Variants in TTC29 observed in about 807,000 individuals in gnomAD.
The protein encoded by TTC29 is tetratricopeptide repeat protein 29.
Under a neutral mutation model 58.1 loss-of-function variants are expected in TTC29, and 49 were observed. The observed-to-expected ratio is 0.84, with a 90% CI of 0.67 to 1.07. The LOEUF is 1.07. Ranked by LOEUF, TTC29 falls within the 50% of genes least tolerant of loss-of-function variation. The pLI, the probability that TTC29 is intolerant of heterozygous loss-of-function variation, is 0.00. For missense variants in TTC29, 582 were observed against 555.6 expected (o/e 1.05, Z -0.48); for synonymous variants, 209 against 196.8 (o/e 1.06, Z -0.52).
chr4:146,865,021 G>T (rs1233586932), intron 8 of TTC29, among the ~76,000 whole-genome samples: 1 of 152,028 alleles, frequency 6.6e-6, no homozygotes, highest in Non-Finnish European at 1.5e-5. Flanking sequence ...CTTAAAGAGT[G>T]TAAGGGATTT....
At chr4:146,903,771 G>A in intron 5 of TTC29, 42 bp from the exon 6 acceptor site, 1 of 1,411,138 alleles carries the variant, frequency 7.1e-7, no homozygotes, top group Non-Finnish European at 9.5e-7. Context: ...TTAGAAAGAT[G>A]TCTCATGGCA....
At chr4:146,833,456 G>T (rs562842884) in intron 9 of TTC29, among the ~76,000 whole-genome samples, 2 of 152,296 alleles carry the variant, frequency 1.3e-5, no homozygotes, top group South Asian at 4.1e-4. Flanking sequence ...ATCTGGAAAG[G>T]TTATGGTGAG....
intron 11 of TTC29, among the ~76,000 whole-genome samples, chr4:146,776,742 T>C (rs1475024366): frequency 6.6e-6 from 1 of 152,218 alleles, no homozygotes; most frequent in Non-Finnish European, 1.5e-5. Flanking sequence ...TGCTCAAGTA[T>C]GCTAGCACAG....
At chr4:146,778,656 C>T in intron 11 of TTC29, among the ~76,000 whole-genome samples, 1 of 152,086 alleles carries the variant, frequency 6.6e-6, no homozygotes, top group East Asian at 1.9e-4. Flanking sequence ...AAGAAATAGA[C>T]TGCATATTTA....
At chr4:146,810,588 C>CTTTTTTTTTT (rs398051307) in intron 10 of TTC29, among the ~76,000 whole-genome samples, 2 of 96,318 alleles carry the variant, frequency 2.1e-5, no homozygotes, top group African/African-American at 4.0e-5. Flanking sequence ...TACATACCTT[C>CTTTTTTTTTT]TTTTTTTTTT....
At chr4:146,890,203 A>T (rs1450111307) in intron 6 of TTC29, among the ~76,000 whole-genome samples, 1 of 152,164 alleles carries the variant, frequency 6.6e-6, no homozygotes, top group Non-Finnish European at 1.5e-5. Context: ...AGGCGTCAGG[A>T]GGGTTTATTC....
chr4:146,752,066 G>C (rs892125961), intron 11 of TTC29, among the ~76,000 whole-genome samples: 1 of 151,892 alleles, frequency 6.6e-6, no homozygotes, highest in Non-Finnish European at 1.5e-5. Flanking sequence ...GTACTGGCCA[G>C]GGCAATCAGG....
At chr4:146,820,009 A>G in intron 10 of TTC29, 116 bp downstream of exon 10, 1 of 1,379,574 alleles carries the variant, frequency 7.2e-7, no homozygotes, top group Non-Finnish European at 1.0e-6. Context: ...GTCCAGGGCC[A>G]TTCTGCATAA....
chr4:146,793,526 A>G (rs1160806670), intron 11 of TTC29, among the ~76,000 whole-genome samples: 13 of 152,156 alleles, frequency 8.5e-5, no homozygotes, highest in Non-Finnish European at 4.4e-5. Flanking sequence ...ACTAAAGTGC[A>G]GTGTAAGCAT....
chr4:146,785,825 T>C (rs17021947), intron 11 of TTC29, among the ~76,000 whole-genome samples: 10,280 of 151,794 alleles, frequency 0.068, 459 homozygotes, highest in Admixed American at 0.13. Flanking sequence ...TTAACAGTTT[T>C]GATATTATCT....
intron 11 of TTC29, among the ~76,000 whole-genome samples, chr4:146,765,807 T>A (rs1385996668): frequency 6.6e-6 from 1 of 151,832 alleles, no homozygotes; most frequent in East Asian, 1.9e-4. Context: ...TATGACTGAT[T>A]TTTTTTTAAA....
chr4:146,892,711 C>A (rs531170377), intron 6 of TTC29, among the ~76,000 whole-genome samples: 5 of 151,976 alleles, frequency 3.3e-5, no homozygotes, highest in African/African-American at 1.2e-4. Context: ...AGGAAATAAA[C>A]GATATTCAAT....
At chr4:146,800,310 T>A (rs1036515609) in intron 11 of TTC29, among the ~76,000 whole-genome samples, 7 of 152,190 alleles carry the variant, frequency 4.6e-5, no homozygotes, top group Non-Finnish European at 8.8e-5. Context: ...GGGGTCATGT[T>A]CCTCTGCTTA....
At chr4:146,862,027 C>T (rs1730267106) in intron 8 of TTC29, among the ~76,000 whole-genome samples, 1 of 152,060 alleles carries the variant, frequency 6.6e-6, no homozygotes, top group Non-Finnish European at 1.5e-5. Flanking sequence ...GTTTCTGAGC[C>T]TTCTTACCTC....
intron 6 of TTC29, among the ~76,000 whole-genome samples, chr4:146,896,066 G>A (rs999810299): frequency 2.0e-5 from 3 of 151,948 alleles, no homozygotes; most frequent in South Asian, 2.1e-4. Context: ...ACTAATGTGC[G>A]ATTTTTTGCA....
intron 4 of TTC29, among the ~76,000 whole-genome samples, chr4:146,917,930 C>T (rs1734346371): frequency 6.7e-6 from 1 of 149,808 alleles, no homozygotes; most frequent in Non-Finnish European, 1.5e-5. Context: ...ACCAAAAAGT[C>T]AGAATATAAA....
intron 8 of TTC29, among the ~76,000 whole-genome samples, chr4:146,839,938 A>C (rs191971382): frequency 1.1e-4 from 16 of 152,154 alleles, no homozygotes; most frequent in Non-Finnish European, 1.8e-4. Flanking sequence ...AAACGTCATT[A>C]ACTCTGGCAG....
At chr4:146,836,509 A>G (rs1728519555) in intron 8 of TTC29, among the ~76,000 whole-genome samples, 1 of 152,154 alleles carries the variant, frequency 6.6e-6, no homozygotes, top group Non-Finnish European at 1.5e-5. Flanking sequence ...AGATTACTAG[A>G]CAAAACCCAG....
chr4:146,821,443 A>G (rs1025464405), intron 9 of TTC29, among the ~76,000 whole-genome samples: 1 of 152,156 alleles, frequency 6.6e-6, no homozygotes, highest in Non-Finnish European at 1.5e-5. Flanking sequence ...TTTTTAAAAA[A>G]AAACTTTTAA....
Sources: allele counts gnomAD v4.1 joint callset (sites outside exome capture counted in the v4.1 genomes callset), GRCh38; gene constraint gnomAD v4.1.1; transcripts MANE v1.5; gene names NCBI Gene and HGNC (gene_info 2026-07-23, HGNC 2026-07-21).